ZNF407: variants seen among roughly 807,000 people sequenced by gnomAD.
The protein encoded by ZNF407 is zinc finger protein 407.
A neutral mutation model predicts 131.2 loss-of-function variants in ZNF407; 17 were observed. The ratio of observed to expected loss-of-function variants is 0.13; its 90% CI spans 0.09 to 0.19. The LOEUF is 0.19. Among genes scored for constraint, ZNF407 ranks in the 10% least tolerant of loss-of-function variants. ZNF407 has a pLI of 1.00. For synonymous variants in ZNF407, 1,156 were observed against 1,062.0 expected, an observed-to-expected ratio of 1.09 and a Z score of -1.72; for missense variants, 2,681 against 2,830.6, an observed-to-expected ratio of 0.95 and a Z score of 1.20.
In ZNF407 at chr18:74,896,517, C is replaced by G. The variant is rs1568259795; in HGVS notation, c.5249+6479C>G. Among the ~76,000 whole-genome samples the G allele has an allele frequency of 2.0e-5, 3 of 152,190 alleles. No homozygotes were observed. In the South Asian group the frequency reaches 6.2e-4, roughly 32 times the overall value. ...CTGGAAGACAAATGTGTCCCCTGAACTGTCTGTGCAGTGCTTGCTCCTGGT... is the reference window on the plus strand; with the variant it reads ...CTGGAAGACAAATGTGTCCCCTGAAGTGTCTGTGCAGTGCTTGCTCCTGGT... On this transcript the variant is annotated intron_variant, in intron 7 of 8. Coordinates refer to ENST00000299687, the MANE Select transcript of ZNF407 (RefSeq NM_017757.3).
intron 3 of ZNF407, 89 bp from the exon 4 acceptor site, chr18:74,781,339 A>G (rs1351301052): frequency 4.5e-6 from 4 of 889,940 alleles, no homozygotes; most frequent in African/African-American, 1.7e-5. Context: ...TTATGTTTGC[A>G]TATATATATT....
At chr18:74,665,584 G>A (rs1308383466) in intron 3 of ZNF407, among the ~76,000 whole-genome samples, 1 of 152,174 alleles carries the variant, frequency 6.6e-6, no homozygotes, top group Non-Finnish European at 1.5e-5. Flanking sequence ...TAGAAAGGAA[G>A]GGGAGAATAA....
chr18:74,780,964 C>T (rs1969588251), intron 3 of ZNF407, among the ~76,000 whole-genome samples: 1 of 152,002 alleles, frequency 6.6e-6, no homozygotes, highest in South Asian at 2.1e-4. Flanking sequence ...TTTTAAAAAC[C>T]TCTCTTCAAG....
intron 4 of ZNF407, among the ~76,000 whole-genome samples, chr18:74,854,286 A>T (rs1002435139): frequency 6.6e-6 from 1 of 152,164 alleles, no homozygotes. Flanking sequence ...GTGTTAGATA[A>T]TTTGTAAGAT....
rs548549005 is a variant in ZNF407, at chr18:74,957,193, A to T, written c.5428+36501A>T. ...TGCCTCCTACCCTGAGTGCAGCTGA[A>T]GGTTGCCTTTTCTCATGCCCCGTGA... On this transcript the variant is annotated intron_variant, in intron 8 of 8. Transcript: ENST00000299687. Among the ~76,000 whole-genome samples, 568 of 152,154 alleles carry T rather than the reference A, an allele frequency of 3.7e-3. 5 individuals carry two copies. Among genetic ancestry groups the T allele is most frequent in the Middle Eastern group, 0.014 (4 of 294 alleles).
intron 3 of ZNF407, among the ~76,000 whole-genome samples, chr18:74,775,142 C>T (rs1473535498): frequency 1.3e-5 from 2 of 152,136 alleles, no homozygotes; most frequent in Admixed American, 6.5e-5. Flanking sequence ...AGTTGTTTAT[C>T]AAAACTTTGT....
At chr18:74,833,643 T>C in intron 4 of ZNF407, among the ~76,000 whole-genome samples, 1 of 152,204 alleles carries the variant, frequency 6.6e-6, no homozygotes, top group East Asian at 1.9e-4. Flanking sequence ...AAGGCTCAGG[T>C]CCTGTTGCCC....
chr18:74,839,254 T>C (rs1447850178), intron 4 of ZNF407, among the ~76,000 whole-genome samples: 1 of 152,196 alleles, frequency 6.6e-6, no homozygotes, highest in East Asian at 1.9e-4. Flanking sequence ...TTACTTACTA[T>C]TAGAGGAACA....
intron 8 of ZNF407, among the ~76,000 whole-genome samples, chr18:74,991,134 G>A (rs1972713665): frequency 6.6e-6 from 1 of 152,084 alleles, no homozygotes; most frequent in Admixed American, 6.5e-5. Context: ...TTAATTACCT[G>A]CTTATAACAA....
At chr18:75,009,036 A>G (rs1028595501) in intron 8 of ZNF407, among the ~76,000 whole-genome samples, 1 of 152,042 alleles carries the variant, frequency 6.6e-6, no homozygotes, top group Admixed American at 6.6e-5. Context: ...CAGCATTTCT[A>G]TTCTGTTTTA....
intron 8 of ZNF407, among the ~76,000 whole-genome samples, chr18:74,936,721 G>C (rs1261554341): frequency 6.6e-6 from 1 of 152,202 alleles, no homozygotes; most frequent in Non-Finnish European, 1.5e-5. Context: ...AATTCCAGTT[G>C]TGTAGGATTT....
chr18:75,056,208 A>C (rs759139244), intron 8 of ZNF407, among the ~76,000 whole-genome samples: 1 of 152,222 alleles, frequency 6.6e-6, no homozygotes, highest in Non-Finnish European at 1.5e-5. Flanking sequence ...TAGTTTAGCT[A>C]CCATGTTTAA....
intron 6 of ZNF407, among the ~76,000 whole-genome samples, chr18:74,887,736 A>T (rs1291078479): frequency 1.2e-4 from 18 of 152,104 alleles, no homozygotes; most frequent in Non-Finnish European, 5.9e-5. Context: ...TACTCTTTCC[A>T]TATTTTTAGT....
At chr18:74,801,056 C>T (rs1181286712) in intron 4 of ZNF407, among the ~76,000 whole-genome samples, 1 of 151,804 alleles carries the variant, frequency 6.6e-6, no homozygotes, top group Non-Finnish European at 1.5e-5. Context: ...TTTCTTTCCC[C>T]GTTAGAAAAT....
chr18:74,654,876 C>A (rs1018707814), intron 3 of ZNF407, among the ~76,000 whole-genome samples: 20 of 151,728 alleles, frequency 1.3e-4, no homozygotes, highest in African/African-American at 4.3e-4. Flanking sequence ...AGATTTTTTA[C>A]AGTAACTAAA....
intron 8 of ZNF407, among the ~76,000 whole-genome samples, chr18:74,995,720 T>C (rs1442764564): frequency 4.6e-5 from 7 of 152,190 alleles, no homozygotes; most frequent in Admixed American, 4.6e-4. Context: ...CCTCTGTCTT[T>C]TTCTGGGCAG....
chr18:74,710,805 A>G (rs1392137576), intron 3 of ZNF407, among the ~76,000 whole-genome samples: 7 of 152,212 alleles, frequency 4.6e-5, no homozygotes, highest in African/African-American at 1.4e-4. Flanking sequence ...AGTTAATCAA[A>G]TGAACTAATT....
At chr18:75,009,848 C>G (rs574917656) in intron 8 of ZNF407, among the ~76,000 whole-genome samples, 1 of 152,290 alleles carries the variant, frequency 6.6e-6, no homozygotes, top group African/African-American at 2.4e-5. Flanking sequence ...AGAAAATAGA[C>G]ACACCCTATT....
rs573819453 is a variant in ZNF407, at chr18:74,878,229, G to C, written c.5044+866G>C. ...CATTGTGGCCATATTCCTGTGAGCT[G>C]TTTGATATTTTTGTGGTCTTCCTTC... is the stretch of plus-strand genomic sequence containing the variant. On this transcript the variant is annotated intron_variant, in intron 5 of 8. Coordinates refer to ENST00000299687, the MANE Select transcript of ZNF407 (RefSeq NM_017757.3). 1.1e-3 allele frequency among the ~76,000 whole-genome samples: 163 copies of C among 152,138 alleles called. 2 individuals are homozygous for C. The South Asian group carries it at 0.013, about 12-fold the overall frequency.
Sources: allele counts gnomAD v4.1 joint callset (sites outside exome capture counted in the v4.1 genomes callset), GRCh38; gene constraint gnomAD v4.1.1; transcripts MANE v1.5; gene names NCBI Gene and HGNC (gene_info 2026-07-23, HGNC 2026-07-21).